FNBP4: variants seen among roughly 807,000 people sequenced by gnomAD.
FNBP4 encodes formin binding protein 4.
A neutral mutation model predicts 119.3 loss-of-function variants in FNBP4; 34 were observed. The observed-to-expected ratio is 0.28, with a 90% CI of 0.22 to 0.38. The LOEUF is 0.38. Among genes scored for constraint, FNBP4 ranks in the 10% least tolerant of loss-of-function variants. FNBP4 has a pLI of 1.00. For synonymous variants in FNBP4, 462 were observed against 430.6 expected, an observed-to-expected ratio of 1.07 and a Z score of -0.90; for missense variants, 1,112 against 1,228.9, an observed-to-expected ratio of 0.90 and a Z score of 1.42.
In FNBP4 at chr11:47,751,352, C is replaced by T. The variant is rs143714311; in HGVS notation, c.638-62G>A. 223 of 1,582,406 alleles carry T rather than the reference C, an allele frequency of 1.4e-4. 1 individual carries two copies. The African/African-American group carries it at 2.7e-3, about 19-fold the overall frequency. ...TACAATTCTGGCTTACATATAAGCT[C>T]AAAAGCCAAAATCACCTAACAGTTT... On this transcript the variant is annotated intron_variant, in intron 4 of 16. Coordinates refer to ENST00000263773, the MANE Select transcript of FNBP4 (RefSeq NM_015308.5).
At chr11:47,731,176 G>T in intron 12 of FNBP4, 198 bp downstream of exon 12, 1 of 458,230 alleles carries the variant, frequency 2.2e-6, no homozygotes, top group Non-Finnish European at 3.6e-6. Flanking sequence ...TCACTTTGGG[G>T]CACAGTTTTA....
chr11:47,764,615 T>C (rs1210547213), intron 2 of FNBP4, among the ~76,000 whole-genome samples: 1 of 151,886 alleles, frequency 6.6e-6, no homozygotes, highest in Non-Finnish European at 1.5e-5. Context: ...TATTCTGAAC[T>C]GAAAAGAAAT....
intron 2 of FNBP4, among the ~76,000 whole-genome samples, chr11:47,755,434 A>G (rs913758481): frequency 5.3e-5 from 8 of 152,006 alleles, no homozygotes; most frequent in African/African-American, 1.9e-4. Context: ...GGGCAACAAC[A>G]GTGAAAATCC....
At chr11:47,727,387 T>C (rs949033372) in intron 12 of FNBP4, among the ~76,000 whole-genome samples, 6 of 151,896 alleles carry the variant, frequency 4.0e-5, no homozygotes, top group Non-Finnish European at 7.4e-5. Context: ...GTAGCTGGGA[T>C]TACAGGCCCA....
chr11:47,722,008 A>C lies in FNBP4; in HGVS notation c.2805+968T>G, dbSNP rs1599156541. On this transcript the variant is annotated intron_variant, in intron 15 of 16. Coordinates refer to ENST00000263773, the MANE Select transcript of FNBP4 (RefSeq NM_015308.5). ...GGGTGGTGGCGGATGTCTCTGACTC[A>C]AAAAAAAAAAAAAAAAAAAAAAAAA... Among the ~76,000 whole-genome samples the C allele has an allele frequency of 0.028, 9 of 326 alleles. No individual in the cohort carries two copies. In the South Asian group the frequency reaches 0.36, roughly 13 times the overall value. The allele number at this position is 326 out of a possible 152,430, so 0.2% of individuals were successfully genotyped here. A position where few individuals can be genotyped will look rare whatever the true frequency, so the allele number is the denominator to read the frequency against.
chr11:47,740,203 T>C (rs1599202074), intron 8 of FNBP4, among the ~76,000 whole-genome samples: 1 of 151,652 alleles, frequency 6.6e-6, no homozygotes, highest in Non-Finnish European at 1.5e-5. Flanking sequence ...TCACCTGAGG[T>C]CGGGAGTTCG....
At chr11:47,741,279 C>T (rs972534839) in intron 8 of FNBP4, among the ~76,000 whole-genome samples, 19 of 151,726 alleles carry the variant, frequency 1.3e-4, no homozygotes, top group Admixed American at 9.2e-4. Context: ...AAGCTATCTT[C>T]CTCCCTCAAC....
intron 12 of FNBP4, chr11:47,725,729 ATACT>A: frequency 1.1e-6 from 1 of 918,294 alleles, no homozygotes; most frequent in Non-Finnish European, 1.3e-6. Context: ...AAAATAGGAT[ATACT>A]TACTTGTAGC....
chr11:47,730,330 T>C (rs932432649), intron 12 of FNBP4: 4 of 713,452 alleles, frequency 5.6e-6, no homozygotes, highest in Admixed American at 1.3e-4. Flanking sequence ...AATGCACTTC[T>C]AAAATGTGAA....
intron 14 of FNBP4, 53 bp downstream of exon 14, chr11:47,723,975 G>A: frequency 1.3e-6 from 2 of 1,542,354 alleles, no homozygotes; most frequent in South Asian, 2.4e-5. Context: ...ATCTAATGCT[G>A]AAAAGAAAAG....
chr11:47,718,693 C>T lies in FNBP4; in HGVS notation c.2964-1181G>A, dbSNP rs188018636. 5.3e-4 allele frequency among the ~76,000 whole-genome samples: 80 copies of T among 152,294 alleles called. 1 individual carries two copies. The highest frequency in any genetic ancestry group is 9.0e-4 in the Non-Finnish European group (61 of 68,026). On this transcript the variant is annotated intron_variant, in intron 16 of 16. Transcript: ENST00000263773. The stretch of plus-strand genomic sequence containing the variant: ...ATAGACAGCTATATTCTAGGTTATA[C>T]ACTGACAATTGATGAACAGTGAGTT...
intron 6 of FNBP4, among the ~76,000 whole-genome samples, chr11:47,748,875 A>T (rs1407724175): frequency 2.0e-5 from 3 of 151,996 alleles, no homozygotes; most frequent in Admixed American, 6.6e-5. Context: ...TTGAACTCCT[A>T]ACCTCAAGTG....
chr11:47,717,416 T>TA lies in FNBP4; in HGVS notation c.*5dup. On this transcript the variant is annotated 3_prime_UTR_variant, in exon 17 of 17. Transcript: ENST00000263773. Reference sequence around the variant, plus strand: ...ATAATACAAAAAAGTTTTAAAAACTTAAAAACTATGTGTTTGGAGCCATTT... The same window carrying TA: ...ATAATACAAAAAAGTTTTAAAAACTTAAAAAACTATGTGTTTGGAGCCATTT... 1 of 1,602,088 alleles carries TA rather than the reference T, an allele frequency of 6.2e-7. No individual in the cohort carries two copies. The highest frequency in any genetic ancestry group is 8.5e-7 in the Non-Finnish European group (1 of 1,173,592).
chr11:47,723,046 G>A lies in FNBP4; in HGVS notation c.2735C>T (p.Pro912Leu). 1.3e-6 allele frequency: 2 copies of A among 1,584,970 alleles called. No homozygotes were observed. The highest frequency in any genetic ancestry group is 1.7e-6 in the Non-Finnish European group (2 of 1,165,126). Residue 912 changes from proline to leucine, a missense_variant, in exon 15 of 17, where the codon CCT (proline) becomes CTT (leucine). Transcript: ENST00000263773. ...IIEPPPPPPPPPPPPPPAPKM... is the reference protein window; with the variant it reads ...IIEPPPPPPPLPPPPPPAPKM... The stretch of plus-strand genomic sequence containing the variant: ...GGGAGCTGGTGGTGGTGGAGGAGGA[G>A]GAGGAGGAGGTGGTGGTGGTGGTTC...
chr11:47,736,787 G>A (rs1234632390), intron 8 of FNBP4, 47 bp from the exon 9 acceptor site: 4 of 1,510,416 alleles, frequency 2.6e-6, no homozygotes, highest in Non-Finnish European at 3.6e-6. Context: ...AATACTTATA[G>A]AACACTATAT....
intron 12 of FNBP4, among the ~76,000 whole-genome samples, chr11:47,728,117 C>T (rs970473667): frequency 6.6e-6 from 1 of 152,002 alleles, no homozygotes; most frequent in South Asian, 2.1e-4. Context: ...CTCAGGTGAT[C>T]CTCCTGCCTC....
In FNBP4 at chr11:47,720,028, C is replaced by T. The variant is rs760460526; in HGVS notation, c.2864G>A (p.Arg955His). Residue 955 changes from arginine to histidine, a missense_variant, in exon 16 of 17, where the codon CGT becomes CAT. Physicochemically the swap from Arg to His is conservative, Grantham distance 29 (BLOSUM62 0). This residue lies in a region of FNBP4 where 826 missense variants were observed against 988.8 expected (regional missense o/e 0.84). Transcript: ENST00000263773. ...AGAATTGTCCTCTTCATCTAACTCA[C>T]GCTGGATACTCTGCCACTTTTTTAC... is the stretch of plus-strand genomic sequence containing the variant. ...SLVKKWQSIQ[R>H]ELDEEDNSSS... is the part of the protein sequence containing the mutation. 1.6e-5 allele frequency: 26 copies of T among 1,613,964 alleles called. No individual in the cohort carries two copies. Among genetic ancestry groups the T allele is most frequent in the African/African-American group, 5.3e-5 (4 of 74,896 alleles).
chr11:47,759,852 C>T (rs935550608), intron 2 of FNBP4, among the ~76,000 whole-genome samples: 2 of 152,118 alleles, frequency 1.3e-5, no homozygotes, highest in Non-Finnish European at 2.9e-5. Context: ...ACTTGGGAGG[C>T]TGAGGCAGGA....
In FNBP4 at chr11:47,751,038, T is replaced by TA. The variant is rs748932871; in HGVS notation, c.786-3dup. 3 of 1,612,588 alleles carry TA rather than the reference T, an allele frequency of 1.9e-6. No individual in the cohort carries two copies. The highest frequency in any genetic ancestry group is 1.7e-5 in the Admixed American group (1 of 59,480). The stretch of plus-strand genomic sequence containing the variant: ...CTAGTTTCAGCACCTGGCACAGAAC[T>TA]AAAAAAATATATACTTAGCAAGAGA... On this transcript the variant is annotated splice_polypyrimidine_tract_variant and splice_region_variant and intron_variant, in intron 5 of 16. Transcript: ENST00000263773.
Sources: gnomAD v4.1 joint callset for allele counts (sites outside exome capture counted in the v4.1 genomes callset) on GRCh38, gnomAD v4.1.1 for gene constraint, gnomAD v4.1.1 regional missense constraint, MANE v1.5 for transcripts, NCBI Gene and HGNC (gene_info 2026-07-23, HGNC 2026-07-21) for gene names.